Variants in SPAG16 observed in about 807,000 individuals in gnomAD.
The protein encoded by SPAG16 is sperm-associated antigen 16 protein.
Under a neutral mutation model 80.4 loss-of-function variants are expected in SPAG16, and 86 were observed. The observed-to-expected ratio is 1.07, with a 90% confidence interval of 0.90 to 1.28. The LOEUF is 1.28. Among genes scored for constraint, SPAG16 ranks in the 50% most tolerant of loss-of-function variants. The probability of loss-of-function intolerance (pLI) is 0.00; values close to 1 mark genes in which losing one functional copy is unlikely to be tolerated. For synonymous variants in SPAG16, 294 were observed against 265.9 expected (o/e 1.11, Z -1.03); for missense variants, 870 against 765.3 (o/e 1.14, Z -1.61).
chr2:213,520,563 C>T (rs1379406806), intron 10 of SPAG16, among the ~76,000 whole-genome samples: 1 of 152,148 alleles, frequency 6.6e-6, no homozygotes, highest in Non-Finnish European at 1.5e-5. Flanking sequence ...CACTGCACTC[C>T]AGCCTGAGTG....
intron 10 of SPAG16, among the ~76,000 whole-genome samples, chr2:213,534,329 A>T (rs1329004844): frequency 2.0e-5 from 3 of 152,070 alleles, no homozygotes; most frequent in Admixed American, 2.0e-4. Context: ...ACTGGTTGGC[A>T]ATTTCTCGAA....
chr2:214,021,830 A>G (rs1206847099), intron 13 of SPAG16, among the ~76,000 whole-genome samples: 1 of 152,130 alleles, frequency 6.6e-6, no homozygotes, highest in African/African-American at 2.4e-5. Flanking sequence ...ATAAACATCT[A>G]CTACCATCAG....
intron 9 of SPAG16, among the ~76,000 whole-genome samples, chr2:213,400,029 GT>G: frequency 6.6e-6 from 1 of 151,598 alleles, no homozygotes; most frequent in East Asian, 1.9e-4. Flanking sequence ...CCTTCCAACA[GT>G]TTTCCCCTCC....
intron 4 of SPAG16, among the ~76,000 whole-genome samples, chr2:213,313,041 T>C (rs763311837): frequency 2.8e-4 from 43 of 151,880 alleles, no homozygotes; most frequent in Admixed American, 9.9e-4. Context: ...CTGCTGTTTC[T>C]TCAATTAATG....
chr2:213,891,277 A>G (rs1308213679), intron 11 of SPAG16, among the ~76,000 whole-genome samples: 2 of 152,134 alleles, frequency 1.3e-5, no homozygotes, highest in Non-Finnish European at 2.9e-5. Context: ...ATTGGCATGC[A>G]TGCTGTATAG....
At chr2:214,119,740 C>T (rs1576270263) in intron 14 of SPAG16, among the ~76,000 whole-genome samples, 1 of 151,970 alleles carries the variant, frequency 6.6e-6, no homozygotes, top group East Asian at 1.9e-4. Context: ...CTCCTTCCTG[C>T]AGGGTTTCAT....
intron 10 of SPAG16, among the ~76,000 whole-genome samples, chr2:213,664,061 A>G (rs2063516292): frequency 6.6e-6 from 1 of 152,216 alleles, no homozygotes; most frequent in East Asian, 1.9e-4. Context: ...CTACAGGAGA[A>G]TTAGATTTTT....
intron 13 of SPAG16, 150 bp from the exon 14 acceptor site, chr2:214,108,046 G>C: frequency 1.7e-6 from 1 of 587,112 alleles, no homozygotes; most frequent in South Asian, 2.3e-5. Context: ...AATAGTAGTT[G>C]ATAGCAAAAG....
intron 10 of SPAG16, among the ~76,000 whole-genome samples, chr2:213,649,538 T>C (rs1185658764): frequency 6.6e-6 from 1 of 152,196 alleles, no homozygotes; most frequent in Non-Finnish European, 1.5e-5. Context: ...GGTAAAAATA[T>C]ATTTTATTTA....
At chr2:214,098,092 T>C (rs2052731866) in intron 13 of SPAG16, among the ~76,000 whole-genome samples, 1 of 152,084 alleles carries the variant, frequency 6.6e-6, no homozygotes, top group Non-Finnish European at 1.5e-5. Context: ...TGTTTAGATA[T>C]GTATTCAAAT....
intron 9 of SPAG16, among the ~76,000 whole-genome samples, chr2:213,448,295 C>G (rs1179142003): frequency 4.6e-5 from 7 of 152,204 alleles, no homozygotes; most frequent in Non-Finnish European, 1.0e-4. Flanking sequence ...AGGACACTTG[C>G]TGGGAAGGGA....
chr2:213,920,105 C>T (rs1364934927), intron 11 of SPAG16, among the ~76,000 whole-genome samples: 1 of 151,650 alleles, frequency 6.6e-6, no homozygotes, highest in Admixed American at 6.6e-5. Context: ...GATAGTAACC[C>T]CTGCTTTTCT....
At chr2:214,158,539 A>G (rs1458637573) in intron 15 of SPAG16, among the ~76,000 whole-genome samples, 1 of 152,018 alleles carries the variant, frequency 6.6e-6, no homozygotes, top group East Asian at 1.9e-4. Context: ...ACTGGATCAA[A>G]GTCTTCTTAC....
At chr2:214,177,445 CTCAGGATT>C (rs973066266) in intron 15 of SPAG16, among the ~76,000 whole-genome samples, 1 of 150,960 alleles carries the variant, frequency 6.6e-6, no homozygotes, top group African/African-American at 2.4e-5. Context: ...TCCAGGAATT[CTCAGGATT>C]TTACATCTTT....
intron 10 of SPAG16, among the ~76,000 whole-genome samples, chr2:213,679,041 C>A (rs979253893): frequency 5.9e-5 from 9 of 152,110 alleles, no homozygotes; most frequent in African/African-American, 2.2e-4. Context: ...CAGGCATGCA[C>A]CAGACATCCT....
At chr2:214,339,766 G>T (rs1157564783) in intron 15 of SPAG16, among the ~76,000 whole-genome samples, 1 of 151,948 alleles carries the variant, frequency 6.6e-6, no homozygotes, top group African/African-American at 2.4e-5. Flanking sequence ...CTTTCAATTT[G>T]GGCAGAACTT....
chr2:214,349,926 G>A lies in SPAG16; in HGVS notation c.1721-60214G>A, dbSNP rs183551616. Among the ~76,000 whole-genome samples the A allele has an allele frequency of 6.3e-4, 96 of 152,178 alleles. 2 individuals are homozygous for A. In the East Asian group the frequency reaches 0.012, roughly 20 times the overall value. On this transcript the variant is annotated intron_variant, in intron 15 of 15. Transcript: ENST00000331683. ...TTTACTTACTTTTTTGAGTTATAGG[G>A]GTGCTTTCTATAGTCTCAGAACCAT...
Position 213,928,907 on chromosome 2 carries a change from ACACAC to A in SPAG16, c.1215-1052_1215-1048del, listed in dbSNP as rs1207644461. ...AAAATTTTCTTGCAGCTGATGTTAC[ACACAC>A]ACACACACACACACACACACACACA... On this transcript the variant is annotated intron_variant, in intron 11 of 15. Coordinates refer to ENST00000331683, the MANE Select transcript of SPAG16 (RefSeq NM_024532.5). Among the ~76,000 whole-genome samples, 10 of 5,120 alleles carry A rather than the reference ACACAC, an allele frequency of 2.0e-3. No individual in the cohort carries two copies. In the Non-Finnish European group the frequency reaches 0.16, roughly 83 times the overall value. The allele number at this position is 5,120 out of a possible 152,430, so 3.4% of individuals were successfully genotyped here. A position where few individuals can be genotyped will look rare whatever the true frequency, so the allele number is the denominator to read the frequency against.
At chr2:213,756,058 G>C (rs2068313226) in intron 10 of SPAG16, among the ~76,000 whole-genome samples, 2 of 152,188 alleles carry the variant, frequency 1.3e-5, no homozygotes, top group African/African-American at 4.8e-5. Flanking sequence ...TAGATCTGCA[G>C]ACCCCTGAGG....
Sources: allele counts gnomAD v4.1 joint callset (sites outside exome capture counted in the v4.1 genomes callset), GRCh38; gene constraint gnomAD v4.1.1; transcripts MANE v1.5; gene names NCBI Gene and HGNC (gene_info 2026-07-23, HGNC 2026-07-21).